The following RNASEH1 variants were observed in gnomAD, a reference collection of about 807,000 sequenced individuals.
RNASEH1 encodes ribonuclease H type II.
RNASEH1 carries 27 observed loss-of-function variants against 34.6 expected under a neutral mutation model. That is an observed-to-expected ratio of 0.78 (90% CI 0.58 to 1.08). RNASEH1 has a LOEUF of 1.08. Among genes scored for constraint, RNASEH1 ranks in the 50% least tolerant of loss-of-function variants. The pLI is 0.00. For synonymous variants in RNASEH1, 162 were observed against 138.4 expected (o/e 1.17, Z -1.20); for missense variants, 349 against 373.6 (o/e 0.93, Z 0.54).
chr2:3,554,480 A>C, intron 2 of RNASEH1, among the ~76,000 whole-genome samples: 1 of 152,240 alleles, frequency 6.6e-6, no homozygotes, highest in East Asian at 1.9e-4. Flanking sequence ...AAATAGCTCA[A>C]TAATTCTAAA....
At chr2:3,554,262 A>C (rs573617681) in intron 2 of RNASEH1, among the ~76,000 whole-genome samples, 46 of 152,368 alleles carry the variant, frequency 3.0e-4, no homozygotes, top group African/African-American at 9.4e-4. Context: ...AAATGCAGAT[A>C]CTGTGGTCCA....
chr2:3,556,968 A>T, intron 1 of RNASEH1, 64 bp from the exon 2 acceptor site: 1 of 1,240,300 alleles, frequency 8.1e-7, no homozygotes, highest in East Asian at 2.3e-5. Flanking sequence ...TTTTATTGAG[A>T]TTCTTAAGGT....
the RNASEH1 span, among the ~76,000 whole-genome samples, chr2:3,535,782 G>A: frequency 5.9e-5 from 9 of 152,210 alleles, no homozygotes; most frequent in African/African-American, 2.2e-4. Context: ...GCTGCTACCT[G>A]GAGAGGGAGG....
chr2:3,553,603 G>A (rs1024887215), intron 2 of RNASEH1, among the ~76,000 whole-genome samples: 15 of 152,042 alleles, frequency 9.9e-5, no homozygotes, highest in African/African-American at 3.6e-4. Flanking sequence ...ATTTTGGCCA[G>A]GCTGGTCTTG....
At chr2:3,557,472 A>G (rs1453553082) in intron 1 of RNASEH1, among the ~76,000 whole-genome samples, 1 of 152,204 alleles carries the variant, frequency 6.6e-6, no homozygotes, top group African/African-American at 2.4e-5. Context: ...CAAAAAGGTC[A>G]ACTTCTGAGA....
At chr2:3,552,755 C>T (rs973936218) in intron 2 of RNASEH1, among the ~76,000 whole-genome samples, 1 of 152,018 alleles carries the variant, frequency 6.6e-6, no homozygotes, top group African/African-American at 2.4e-5. Flanking sequence ...TCCAGCTACT[C>T]GGGAGGCTGA....
At chr2:3,534,599 G>A in the RNASEH1 span, among the ~76,000 whole-genome samples, 7 of 152,236 alleles carry the variant, frequency 4.6e-5, no homozygotes. Flanking sequence ...CGGCATGCCC[G>A]GCCCAACCGC....
downstream of RNASEH1, among the ~76,000 whole-genome samples, chr2:3,540,962 G>GAACTGGAACTCTCCTGCCT (rs1270267693): frequency 1.3e-5 from 2 of 152,120 alleles, no homozygotes; most frequent in Non-Finnish European, 2.9e-5. Flanking sequence ...GATGTGGAGT[G>GAACTGGAACTCTCCTGCCT]AACTGGAACT....
At chr2:3,550,091 T>G (rs1036397616) in intron 4 of RNASEH1, 3 of 358,704 alleles carry the variant, frequency 8.4e-6, no homozygotes, top group African/African-American at 6.8e-5. Context: ...TGCAGTGAGC[T>G]GTGTTTGTGC....
chr2:3,550,540 C>T (rs1019877623), intron 3 of RNASEH1, 68 bp from the exon 4 acceptor site: 9 of 1,187,162 alleles, frequency 7.6e-6, no homozygotes, highest in Non-Finnish European at 1.0e-5. Flanking sequence ...CTCAAAAATC[C>T]ACTAGGTCGA....
At chr2:3,556,541 A>C (rs1660518987) in intron 2 of RNASEH1, among the ~76,000 whole-genome samples, 3 of 152,248 alleles carry the variant, frequency 2.0e-5, no homozygotes, top group Admixed American at 2.0e-4. Flanking sequence ...TTTTAAAAAA[A>C]GACAAGGAAT....
At chr2:3,546,881 G>C (rs902312020) in intron 7 of RNASEH1, among the ~76,000 whole-genome samples, 17 of 152,232 alleles carry the variant, frequency 1.1e-4, no homozygotes, top group African/African-American at 3.6e-4. Context: ...CCAGCACTTT[G>C]AGAGGCCAAG....
At chr2:3,540,052 G>A (rs971817115), downstream of RNASEH1, among the ~76,000 whole-genome samples, 3 of 152,074 alleles carry the variant, frequency 2.0e-5, no homozygotes, top group South Asian at 2.1e-4. Flanking sequence ...CTCCAGTACC[G>A]GCAGACACCA....
chr2:3,553,908 A>T (rs1019753576), intron 2 of RNASEH1, among the ~76,000 whole-genome samples: 26 of 152,208 alleles, frequency 1.7e-4, no homozygotes, highest in Non-Finnish European at 5.9e-5. Flanking sequence ...AGATGATCTC[A>T]AACGACTTTT....
downstream of RNASEH1, among the ~76,000 whole-genome samples, chr2:3,537,786 C>T (rs996536141): frequency 1.3e-5 from 2 of 152,064 alleles, no homozygotes; most frequent in African/African-American, 4.8e-5. Flanking sequence ...GCCTGTAATC[C>T]CAGCACTTTG....
At chr2:3,555,348 G>A (rs1041412266) in intron 2 of RNASEH1, among the ~76,000 whole-genome samples, 7 of 152,160 alleles carry the variant, frequency 4.6e-5, no homozygotes, top group African/African-American at 1.7e-4. Flanking sequence ...CAGCTTATTG[G>A]CTGTCATGCA....
intron 5 of RNASEH1, 38 bp downstream of exon 5, chr2:3,549,020 C>G: frequency 1.3e-6 from 2 of 1,515,104 alleles, no homozygotes; most frequent in Non-Finnish European, 1.8e-6. Flanking sequence ...ATACTCAATG[C>G]TCAAAAAAGA....
At chr2:3,557,179 C>T (rs1660597654) in intron 1 of RNASEH1, among the ~76,000 whole-genome samples, 2 of 152,142 alleles carry the variant, frequency 1.3e-5, no homozygotes, top group African/African-American at 2.4e-5. Context: ...GTTGTATTGT[C>T]TTTTTATGCG....
At chr2:3,554,257 C>T (rs1342989718) in intron 2 of RNASEH1, among the ~76,000 whole-genome samples, 1 of 152,190 alleles carries the variant, frequency 6.6e-6, no homozygotes, top group Non-Finnish European at 1.5e-5. Context: ...GAAGTAAATG[C>T]AGATACTGTG....
Sources: allele counts gnomAD v4.1 joint callset (sites outside exome capture counted in the v4.1 genomes callset), GRCh38; gene constraint gnomAD v4.1.1; transcripts MANE v1.5; gene names NCBI Gene and HGNC (gene_info 2026-07-23, HGNC 2026-07-21).